SYNE2: variants seen among roughly 807,000 people sequenced by gnomAD.
SYNE2 encodes nesprin-2.
In SYNE2, 431 loss-of-function variants were observed where a neutral mutation model predicts 856.3. That is an observed-to-expected ratio of 0.50 (90% CI 0.47 to 0.55). The LOEUF is 0.55. SYNE2 is among the 20% of genes least tolerant of loss of function. The probability of loss-of-function intolerance (pLI) is 0.00; values close to 1 mark genes in which losing one functional copy is unlikely to be tolerated. For missense variants in SYNE2, 8,129 were observed against 8,023.2 expected (o/e 1.01, Z -0.50); for synonymous variants, 2,923 against 2,872.3 (o/e 1.02, Z -0.56).
At chr14:64,059,226 G>A (rs1288121661) in intron 49 of SYNE2, among the ~76,000 whole-genome samples, 1 of 152,110 alleles carries the variant, frequency 6.6e-6, no homozygotes, top group Non-Finnish European at 1.5e-5. Context: ...GCTTGTGGAT[G>A]TTTGTCAGTG....
intron 94 of SYNE2, among the ~76,000 whole-genome samples, chr14:64,171,374 C>T (rs527823469): frequency 3.9e-5 from 6 of 152,214 alleles, no homozygotes; most frequent in South Asian, 4.2e-4. Context: ...AGAAGACCTT[C>T]GCTCTCATAA....
At chr14:63,837,052 C>A (rs1889881410) in intron 1 of SYNE2, among the ~76,000 whole-genome samples, 1 of 152,016 alleles carries the variant, frequency 6.6e-6, no homozygotes, top group African/African-American at 2.4e-5. Flanking sequence ...AGTAATGCTG[C>A]CACAACAAGA....
intron 28 of SYNE2, among the ~76,000 whole-genome samples, 186 bp downstream of exon 28, chr14:64,000,905 A>G (rs2096749049): frequency 2.6e-5 from 4 of 152,222 alleles, no homozygotes; most frequent in Non-Finnish European, 5.9e-5. Context: ...GAGGTTAAAT[A>G]TTAATAATAT....
At chr14:63,833,326 A>C (rs1889735444) in intron 1 of SYNE2, among the ~76,000 whole-genome samples, 1 of 152,228 alleles carries the variant, frequency 6.6e-6, no homozygotes, top group Non-Finnish European at 1.5e-5. Flanking sequence ...TGCCATACCA[A>C]ATATGAGAGG....
At chr14:63,904,327 G>C (rs953884400) in intron 1 of SYNE2, among the ~76,000 whole-genome samples, 1 of 152,016 alleles carries the variant, frequency 6.6e-6, no homozygotes, top group Non-Finnish European at 1.5e-5. Context: ...TTTTCCTTTG[G>C]GTATATATGC....
At chr14:64,196,628 AC>A (rs2098541848) in intron 99 of SYNE2, 1 of 152,146 alleles carries the variant, frequency 6.6e-6, no homozygotes, top group South Asian at 2.1e-4. Flanking sequence ...TTTCTTTTAA[AC>A]CTGAAACAGA....
chr14:63,950,426 G>A (rs1380721557), intron 7 of SYNE2, among the ~76,000 whole-genome samples: 2 of 152,028 alleles, frequency 1.3e-5, no homozygotes, highest in South Asian at 2.1e-4. Context: ...GTGGTGGCAT[G>A]TGCCTGTAAT....
At chr14:64,088,381 C>T (rs929973625) in intron 58 of SYNE2, among the ~76,000 whole-genome samples, 3 of 152,112 alleles carry the variant, frequency 2.0e-5, no homozygotes, top group Admixed American at 6.5e-5. Context: ...TAAAGAATCC[C>T]GATAAAATAA....
chr14:63,937,742 A>G (rs1413552864), intron 2 of SYNE2, among the ~76,000 whole-genome samples: 4 of 152,242 alleles, frequency 2.6e-5, no homozygotes, highest in African/African-American at 9.6e-5. Flanking sequence ...AGCCACATTC[A>G]GCAACCTGTT....
chr14:64,177,942 A>T (rs1175890157), intron 96 of SYNE2, among the ~76,000 whole-genome samples: 1 of 152,226 alleles, frequency 6.6e-6, no homozygotes, highest in Non-Finnish European at 1.5e-5. Flanking sequence ...TTCCTAATGA[A>T]TACCACACTA....
At chr14:63,854,871 G>A (rs1891338710) in intron 1 of SYNE2, among the ~76,000 whole-genome samples, 1 of 152,218 alleles carries the variant, frequency 6.6e-6, no homozygotes, top group African/African-American at 2.4e-5. Context: ...GAGAGTTAAT[G>A]TAAAATTTAA....
At chr14:64,065,409 T>C (rs2097351382) in intron 50 of SYNE2, 23 bp from the exon 51 acceptor site, 2 of 1,600,636 alleles carry the variant, frequency 1.2e-6, no homozygotes, top group Non-Finnish European at 8.6e-7. Context: ...GTCCCTCTTA[T>C]TTTTTTTCTT....
At chr14:63,939,253 T>TCAG (rs948980657) in intron 2 of SYNE2, among the ~76,000 whole-genome samples, 2 of 151,802 alleles carry the variant, frequency 1.3e-5, no homozygotes, top group Non-Finnish European at 2.9e-5. Context: ...AGGCATGGTG[T>TCAG]CAGTGTGGGG....
At chr14:64,211,919 T>G (rs369110774) in intron 103 of SYNE2, 42 bp from the exon 104 acceptor site, 1 of 1,613,708 alleles carries the variant, frequency 6.2e-7, no homozygotes, top group Non-Finnish European at 8.5e-7. Context: ...GAACTCTTGT[T>G]CCGTGGTCAG....
intron 28 of SYNE2, 80 bp downstream of exon 28, chr14:64,000,799 TATAC>T: frequency 7.9e-7 from 1 of 1,262,948 alleles, no homozygotes; most frequent in Non-Finnish European, 1.1e-6. Context: ...AGATTCTTGC[TATAC>T]TAAGTATGTT....
chr14:64,095,791 C>CA (rs967268684), intron 61 of SYNE2, among the ~76,000 whole-genome samples: 22 of 152,120 alleles, frequency 1.4e-4, no homozygotes, highest in African/African-American at 5.1e-4. Flanking sequence ...TTTTTCCTCC[C>CA]AAAAAATGTT....
At chr14:64,217,381 C>A (rs1180599440) in intron 108 of SYNE2, among the ~76,000 whole-genome samples, 1 of 152,192 alleles carries the variant, frequency 6.6e-6, no homozygotes, top group Non-Finnish European at 1.5e-5. Flanking sequence ...TTGGCATGCT[C>A]TGGCTAGGCA....
intron 70 of SYNE2, among the ~76,000 whole-genome samples, chr14:64,123,452 G>A (rs1157731119): frequency 6.6e-6 from 1 of 152,156 alleles, no homozygotes. Context: ...CCTCTTTCCC[G>A]CTAAGGACCT....
At chr14:64,030,927 G>A in intron 44 of SYNE2, 89 bp from the exon 45 acceptor site, 1 of 1,040,352 alleles carries the variant, frequency 9.6e-7, no homozygotes, top group Admixed American at 2.0e-5. Flanking sequence ...ATTTCTACTG[G>A]TGAAGCAAGA....
Sources: gnomAD v4.1 joint callset for allele counts (sites outside exome capture counted in the v4.1 genomes callset) on GRCh38, gnomAD v4.1.1 for gene constraint, MANE v1.5 for transcripts, NCBI Gene and HGNC (gene_info 2026-07-23, HGNC 2026-07-21) for gene names.